Variants in NFS1 observed in about 807,000 individuals in gnomAD.
The protein encoded by NFS1 is NFS1 cysteine desulfurase.
A neutral mutation model predicts 57.3 loss-of-function variants in NFS1; 26 were observed. The observed-to-expected ratio is 0.45, with a 90% CI of 0.33 to 0.63. The LOEUF (loss-of-function observed/expected upper bound fraction) is 0.63. NFS1 is among the 20% of genes least tolerant of loss of function. The pLI is 0.02. For missense variants in NFS1, 505 were observed against 605.8 expected, an observed-to-expected ratio of 0.83 and a Z score of 1.75; for synonymous variants, 209 against 216.3, an observed-to-expected ratio of 0.97 and a Z score of 0.30.
intron 5 of NFS1, among the ~76,000 whole-genome samples, chr20:35,689,901 G>A (rs570285255): frequency 2.1e-5 from 3 of 143,598 alleles, no homozygotes; most frequent in Non-Finnish European, 4.5e-5. Context: ...CTGCACTCCT[G>A]CCTAGGTGAC....
chr20:35,687,489 C>T (rs1272620128), intron 5 of NFS1, among the ~76,000 whole-genome samples: 2 of 152,098 alleles, frequency 1.3e-5, no homozygotes, highest in Non-Finnish European at 2.9e-5. Context: ...GACACGTGAC[C>T]CACGTGACCT....
chr20:35,682,999 A>C (rs1394512412), intron 5 of NFS1, among the ~76,000 whole-genome samples: 2 of 151,942 alleles, frequency 1.3e-5, no homozygotes, highest in Non-Finnish European at 2.9e-5. Flanking sequence ...AATGGCGTGA[A>C]CCTGGGAGGC....
At chr20:35,697,461 A>G (rs998619688) in intron 3 of NFS1, among the ~76,000 whole-genome samples, 1 of 152,210 alleles carries the variant, frequency 6.6e-6, no homozygotes, top group Non-Finnish European at 1.5e-5. Context: ...AATGAGGAAA[A>G]TAAGGCTCAA....
At chr20:35,684,136 G>A (rs1601526825) in intron 5 of NFS1, among the ~76,000 whole-genome samples, 2 of 152,062 alleles carry the variant, frequency 1.3e-5, no homozygotes, top group Middle Eastern at 6.8e-3. Flanking sequence ...GGCTGTGTGT[G>A]GTGACTCACG....
At chr20:35,685,863 C>T (rs1285849195) in intron 5 of NFS1, among the ~76,000 whole-genome samples, 2 of 137,334 alleles carry the variant, frequency 1.5e-5, no homozygotes, top group African/African-American at 2.8e-5. Flanking sequence ...AGTACCCCCC[C>T]GCAAAAAAAA....
intron 8 of NFS1, 76 bp from the exon 9 acceptor site, chr20:35,674,693 T>C: frequency 8.6e-7 from 1 of 1,156,760 alleles, no homozygotes; most frequent in Non-Finnish European, 1.3e-6. Flanking sequence ...GCCCTTCTCC[T>C]ATAACTGGAA....
chr20:35,677,565 G>A (rs972389809), intron 7 of NFS1, among the ~76,000 whole-genome samples: 3 of 152,038 alleles, frequency 2.0e-5, no homozygotes, highest in Non-Finnish European at 4.4e-5. Context: ...TTAAAAATGC[G>A]TATAACCTGT....
intron 12 of NFS1, among the ~76,000 whole-genome samples, chr20:35,670,919 T>C (rs1049558835): frequency 1.3e-5 from 2 of 152,092 alleles, no homozygotes; most frequent in East Asian, 1.9e-4. Flanking sequence ...GCAGAGTATA[T>C]ACCTGAAATT....
intron 5 of NFS1, among the ~76,000 whole-genome samples, chr20:35,686,992 G>C (rs1351828722): frequency 1.3e-5 from 2 of 152,146 alleles, no homozygotes; most frequent in Non-Finnish European, 2.9e-5. Context: ...GAAGACAAGA[G>C]GCGAGCCTTC....
intron 4 of NFS1, among the ~76,000 whole-genome samples, chr20:35,693,076 G>A (rs1248724548): frequency 6.6e-6 from 1 of 151,818 alleles, no homozygotes; most frequent in Non-Finnish European, 1.5e-5. Context: ...GGGAAGGAGA[G>A]GAAGATTTAC....
intron 4 of NFS1, among the ~76,000 whole-genome samples, chr20:35,695,867 C>T (rs1256548012): frequency 6.6e-6 from 1 of 151,996 alleles, no homozygotes; most frequent in African/African-American, 2.4e-5. Flanking sequence ...TGGTGAAACC[C>T]CATCTCTACT....
intron 8 of NFS1, chr20:35,674,831 C>G (rs1387262821): frequency 1.4e-6 from 1 of 701,644 alleles, no homozygotes; most frequent in Non-Finnish European, 2.4e-6. Context: ...TTTACTTATC[C>G]AGAAATAAAT....
At chr20:35,694,007 G>A (rs559464934) in intron 4 of NFS1, among the ~76,000 whole-genome samples, 7 of 152,150 alleles carry the variant, frequency 4.6e-5, no homozygotes, top group East Asian at 1.9e-4. Context: ...TTAGACAGGC[G>A]TGCTAGTACA....
intron 5 of NFS1, among the ~76,000 whole-genome samples, chr20:35,689,574 C>T (rs2035006050): frequency 6.6e-6 from 1 of 152,028 alleles, no homozygotes; most frequent in South Asian, 2.1e-4. Flanking sequence ...AGAGACCATC[C>T]TGGCTAACAT....
At chr20:35,669,816 C>T in intron 12 of NFS1, 131 bp from the exon 13 acceptor site, 1 of 787,208 alleles carries the variant, frequency 1.3e-6, no homozygotes, top group East Asian at 2.6e-5. Context: ...CCTGGTAGAC[C>T]CTAACACAGG....
intron 3 of NFS1, 41 bp downstream of exon 3, chr20:35,697,643 C>T (rs375205404): frequency 1.5e-6 from 2 of 1,366,004 alleles, no homozygotes; most frequent in Non-Finnish European, 2.0e-6. Flanking sequence ...GGCCACTGCC[C>T]CTCTTTGACC....
In NFS1 at chr20:35,668,455, A is replaced by G. The variant is rs2034602068; in HGVS notation, c.*1167T>C. On this transcript the variant is annotated 3_prime_UTR_variant, in exon 13 of 13. Transcript: ENST00000374092. ...CCCACCTATGGGTTCAGACCCACAA[A>G]TGAAAAGCTCTAGTTACAATGGCCT... is the stretch of plus-strand genomic sequence containing the variant. 6.6e-6 allele frequency: 1 copy of G among 152,236 alleles called. No individual in the cohort carries two copies. Among genetic ancestry groups the G allele is most frequent in the Non-Finnish European group, 1.5e-5 (1 of 68,044 alleles). 9.4% of individuals were successfully genotyped at this position (152,236 alleles called of 1,614,324 possible).
At chr20:35,672,930 C>T (rs538927625) in intron 11 of NFS1, 86 bp from the exon 12 acceptor site, 27 of 764,706 alleles carry the variant, frequency 3.5e-5, no homozygotes, top group Admixed American at 2.6e-4. Context: ...TAAGGATCTA[C>T]GACACAAAAG....
rs73616691 is a variant in NFS1 at position 35,669,873 on chromosome 20, G to A, written c.1311-188C>T. 6.3e-3 allele frequency among the ~76,000 whole-genome samples: 966 copies of A among 152,256 alleles called. 8 individuals are homozygous for A. The highest frequency in any genetic ancestry group is 0.04 in the East Asian group (208 of 5,176). On this transcript the variant is annotated intron_variant, in intron 12 of 12. Transcript: ENST00000374092. ...TCCAGCTCCCTGTAAGTCCTTGTCA[G>A]CTCTCCTGAGAGCTCTCCCCAACTG... is the stretch of plus-strand genomic sequence containing the variant.
Sources: allele counts gnomAD v4.1 joint callset (sites outside exome capture counted in the v4.1 genomes callset), GRCh38; gene constraint gnomAD v4.1.1; transcripts MANE v1.5; gene names NCBI Gene and HGNC (gene_info 2026-07-23, HGNC 2026-07-21).